SDCBP: variants seen among roughly 807,000 people sequenced by gnomAD.
SDCBP encodes the protein syndecan binding protein.
Under a neutral mutation model 30.5 loss-of-function variants are expected in SDCBP, and 22 were observed. The ratio of observed to expected loss-of-function variants is 0.72; its 90% confidence interval spans 0.52 to 1.03. The LOEUF is 1.03. Ranked by LOEUF, SDCBP falls within the 50% of genes least tolerant of loss-of-function variation. The probability of loss-of-function intolerance (pLI) is 0.00; values close to 1 mark genes in which losing one functional copy is unlikely to be tolerated. For missense variants in SDCBP, 304 were observed against 369.9 expected (o/e 0.82, Z 1.46); for synonymous variants, 103 against 118.7 (o/e 0.87, Z 0.86).
chr8:58,581,663 T>C, intron 8 of SDCBP, 23 bp from the exon 9 acceptor site: 2 of 1,588,072 alleles, frequency 1.3e-6, no homozygotes, highest in Non-Finnish European at 1.7e-6. Context: ...TCTCGGTATA[T>C]AATAAAAGTA....
chr8:58,562,370 A>G (rs1319817964), intron 1 of SDCBP, among the ~76,000 whole-genome samples: 1 of 152,194 alleles, frequency 6.6e-6, no homozygotes, highest in Non-Finnish European at 1.5e-5. Flanking sequence ...CTGAATTGAT[A>G]GGGATTTAGA....
At chr8:58,579,918 C>CTCTTG in intron 7 of SDCBP, 124 bp downstream of exon 7, 1 of 853,532 alleles carries the variant, frequency 1.2e-6, no homozygotes, top group South Asian at 2.1e-5. Flanking sequence ...GGGGCCTGAA[C>CTCTTG]TCTTGGTCTG....
chr8:58,572,088 C>T (rs1228116102), intron 3 of SDCBP, 117 bp from the exon 4 acceptor site: 4 of 623,598 alleles, frequency 6.4e-6, no homozygotes, highest in Non-Finnish European at 1.1e-5. Context: ...ACTTTAAATT[C>T]ATTCTAGATT....
chr8:58,568,287 C>T (rs1436526534), intron 2 of SDCBP, among the ~76,000 whole-genome samples: 1 of 152,046 alleles, frequency 6.6e-6, no homozygotes, highest in Admixed American at 6.6e-5. Flanking sequence ...CTGAGACACA[C>T]ACTCACATTA....
intron 5 of SDCBP, chr8:58,576,488 C>T (rs1284929631): frequency 6.6e-6 from 1 of 151,882 alleles, no homozygotes; most frequent in African/African-American, 2.5e-5. Flanking sequence ...GATCTTGACT[C>T]ACTGCAACCT....
chr8:58,565,164 T>G, intron 2 of SDCBP, 80 bp downstream of exon 2: 1 of 627,380 alleles, frequency 1.6e-6, no homozygotes, highest in Non-Finnish European at 2.7e-6. Flanking sequence ...GCAAGATAGC[T>G]AAATAGCAGA....
chr8:58,556,131 C>A (rs184696866), intron 1 of SDCBP, among the ~76,000 whole-genome samples: 169 of 152,266 alleles, frequency 1.1e-3, no homozygotes, highest in Admixed American at 4.2e-3. Context: ...TTTTTATTAT[C>A]CCAAGATGTT....
chr8:58,562,829 C>G (rs1431744400), intron 1 of SDCBP, among the ~76,000 whole-genome samples: 1 of 152,052 alleles, frequency 6.6e-6, no homozygotes, highest in East Asian at 1.9e-4. Flanking sequence ...AATATAGATT[C>G]AAATTTGTCA....
chr8:58,564,958 C>T, intron 1 of SDCBP, 61 bp from the exon 2 acceptor site: 1 of 842,226 alleles, frequency 1.2e-6, no homozygotes, highest in Non-Finnish European at 1.9e-6. Flanking sequence ...CTGTGGTTAG[C>T]TGTGTATACT....
At chr8:58,573,681 C>G (rs146213709) in intron 4 of SDCBP, among the ~76,000 whole-genome samples, 1 of 152,274 alleles carries the variant, frequency 6.6e-6, no homozygotes, top group Admixed American at 6.5e-5. Context: ...ACAGTACTGA[C>G]AGGAGCAGGA....
intron 1 of SDCBP, among the ~76,000 whole-genome samples, chr8:58,557,889 G>A (rs1416639277): frequency 6.6e-6 from 1 of 152,160 alleles, no homozygotes; most frequent in African/African-American, 2.4e-5. Flanking sequence ...TGTTTGATAA[G>A]AGTTGCAAGT....
At chr8:58,555,498 A>T (rs144256923) in intron 1 of SDCBP, among the ~76,000 whole-genome samples, 4 of 152,118 alleles carry the variant, frequency 2.6e-5, no homozygotes, top group African/African-American at 9.7e-5. Flanking sequence ...ATGGCTGATC[A>T]TCAGAAACCC....
intron 1 of SDCBP, chr8:58,561,038 A>G (rs1804412922): frequency 6.6e-6 from 1 of 152,214 alleles, no homozygotes; most frequent in Non-Finnish European, 1.5e-5. Flanking sequence ...AAACGTAAAA[A>G]GGAACCAAAC....
intron 2 of SDCBP, among the ~76,000 whole-genome samples, chr8:58,569,312 C>G (rs1276765277): frequency 7.2e-6 from 1 of 138,962 alleles, no homozygotes; most frequent in East Asian, 2.8e-4. Flanking sequence ...AGGTGATCTG[C>G]CCACCTCAGC....
chr8:58,566,095 C>A (rs916026753), intron 2 of SDCBP, among the ~76,000 whole-genome samples: 3 of 152,088 alleles, frequency 2.0e-5, no homozygotes, highest in African/African-American at 7.2e-5. Context: ...TTCAAGTGGC[C>A]TATTCAGTCA....
chr8:58,571,824 A>G (rs1805047638), intron 3 of SDCBP, among the ~76,000 whole-genome samples: 1 of 152,194 alleles, frequency 6.6e-6, no homozygotes, highest in South Asian at 2.1e-4. Flanking sequence ...TGACTTGACA[A>G]ATAGATATTT....
chr8:58,557,828 C>G (rs773925318), intron 1 of SDCBP, among the ~76,000 whole-genome samples: 3 of 151,982 alleles, frequency 2.0e-5, no homozygotes, highest in Admixed American at 1.3e-4. Context: ...TTACTCAGCT[C>G]GAAGGAAAGC....
intron 1 of SDCBP, among the ~76,000 whole-genome samples, chr8:58,564,102 A>C (rs1272100561): frequency 6.6e-6 from 1 of 152,208 alleles, no homozygotes; most frequent in Non-Finnish European, 1.5e-5. Context: ...AGTTGCCTCT[A>C]CTGACAAGGC....
chr8:58,581,480 C>T lies in SDCBP; in HGVS notation c.843-206C>T, dbSNP rs115561906. Among the ~76,000 whole-genome samples the T allele has an allele frequency of 7.1e-3, 1,084 of 152,254 alleles. 13 individuals carry two copies. Among genetic ancestry groups the T allele is most frequent in the African/African-American group, 0.025 (1,029 of 41,550 alleles). On this transcript the variant is annotated intron_variant, in intron 8 of 8. Transcript: ENST00000260130. Reference sequence around the variant, plus strand: ...GTATCCTAACTTCTCTAGCCAAATACAGATAGTCTTTCCCACTGAGTGTCT... The same window carrying T: ...GTATCCTAACTTCTCTAGCCAAATATAGATAGTCTTTCCCACTGAGTGTCT...
Sources: gnomAD v4.1 joint callset for allele counts (sites outside exome capture counted in the v4.1 genomes callset) on GRCh38, gnomAD v4.1.1 for gene constraint, MANE v1.5 for transcripts, NCBI Gene and HGNC (gene_info 2026-07-23, HGNC 2026-07-21) for gene names.